MFHAS1: variants seen among roughly 807,000 people sequenced by gnomAD.
MFHAS1 encodes the protein malignant fibrous histiocytoma-amplified sequence 1.
A neutral mutation model predicts 70.4 loss-of-function variants in MFHAS1; 50 were observed. The observed-to-expected ratio is 0.71, with a 90% CI of 0.57 to 0.90. MFHAS1 has a LOEUF of 0.90. Among genes scored for constraint, MFHAS1 ranks in the 40% least tolerant of loss-of-function variants. The pLI is 0.00. For synonymous variants in MFHAS1, 952 were observed against 620.0 expected (o/e 1.54, Z -7.96); for missense variants, 1,795 against 1,347.6 (o/e 1.33, Z -5.20).
Position 8,893,106 on chromosome 8 carries a change from C to CTACA in MFHAS1, c.-52_-49dup. 1 of 1,335,694 alleles carries CTACA rather than the reference C, an allele frequency of 7.5e-7. No individual in the cohort carries two copies. Among genetic ancestry groups the CTACA allele is most frequent in the South Asian group, 1.6e-5 (1 of 61,566 alleles). 82.7% of individuals were successfully genotyped at this position (1,335,694 alleles called of 1,614,324 possible). A position where few individuals can be genotyped will look rare whatever the true frequency, so the allele number is the denominator to read the frequency against. ...CTCACGCGGACGCGGGAGCCCGCAGCTACATGCCGCGCCGCGCCCCGGGCC... is the reference window on the plus strand; with the variant it reads ...CTCACGCGGACGCGGGAGCCCGCAGCTACATACATGCCGCGCCGCGCCCCGGGCC... On this transcript the variant is annotated 5_prime_UTR_variant, in exon 1 of 3. The change creates a new upstream start codon in the 5' untranslated region. Transcript: ENST00000276282.
At chr8:8,845,731 A>C (rs1808008458) in intron 1 of MFHAS1, among the ~76,000 whole-genome samples, 1 of 152,254 alleles carries the variant, frequency 6.6e-6, no homozygotes, top group South Asian at 2.1e-4. Flanking sequence ...AGAAGACTGA[A>C]TGAGACAATA....
intron 1 of MFHAS1, among the ~76,000 whole-genome samples, chr8:8,812,016 AGTG>A (rs1223409026): frequency 6.6e-6 from 1 of 152,216 alleles, no homozygotes; most frequent in Non-Finnish European, 1.5e-5. Context: ...CACTCCAGGA[AGTG>A]GTCACCCTGC....
At chr8:8,844,332 C>T (rs1391185659) in intron 1 of MFHAS1, among the ~76,000 whole-genome samples, 1 of 152,218 alleles carries the variant, frequency 6.6e-6, no homozygotes, top group Non-Finnish European at 1.5e-5. Flanking sequence ...CAGGTAGTCT[C>T]ACCAGATGCA....
chr8:8,859,216 C>T (rs332033), intron 1 of MFHAS1, among the ~76,000 whole-genome samples: 2,302 of 152,254 alleles, frequency 0.015, 73 homozygotes, highest in African/African-American at 0.052. Flanking sequence ...TAGTGGCACA[C>T]GCCTGTAGTC....
At chr8:8,794,137 C>G (rs1805812578) in intron 2 of MFHAS1, among the ~76,000 whole-genome samples, 1 of 151,968 alleles carries the variant, frequency 6.6e-6, no homozygotes, top group Admixed American at 6.6e-5. Context: ...TTGCAATGAG[C>G]TGAGATCGCA....
intron 1 of MFHAS1, among the ~76,000 whole-genome samples, chr8:8,824,465 G>A (rs563876878): frequency 1.3e-5 from 2 of 151,368 alleles, no homozygotes; most frequent in East Asian, 1.9e-4. Context: ...TGGCTCAGAT[G>A]CAGTGCTAGG....
At chr8:8,836,723 C>G (rs895503697) in intron 1 of MFHAS1, among the ~76,000 whole-genome samples, 3 of 152,206 alleles carry the variant, frequency 2.0e-5, no homozygotes, top group African/African-American at 7.2e-5. Context: ...CCATTCATCT[C>G]TATCCATGAA....
intron 1 of MFHAS1, among the ~76,000 whole-genome samples, chr8:8,870,082 C>T (rs1057482077): frequency 6.6e-6 from 1 of 152,114 alleles, no homozygotes; most frequent in Non-Finnish European, 1.5e-5. Context: ...AACCATCAGG[C>T]TTTAATTTAG....
At position 8,892,769 on chromosome 8, in the gene MFHAS1, T is replaced by C. The variant is rs1001076974; in HGVS notation, c.290A>G (p.Asn97Ser). ...CGCCGGGGGCAGCCGGGCGAAGCGG[T>C]TCCTGCGCAGGACCAGGACGCGCAG... is the stretch of plus-strand genomic sequence containing the variant. The part of the protein sequence containing the change: ...GSLRVLVLRR[N>S]RFARLPPAVA... The change falls in exon 1 of 3, where the codon AAC becomes AGC. Residue 97 changes from asparagine to serine, a missense_variant. Asn to Ser is a conservative substitution (Grantham distance 46). Coordinates refer to ENST00000276282, the MANE Select transcript of MFHAS1 (RefSeq NM_004225.3). This position sits in a 1 kb window ranked among gnomAD's most constrained non-coding sequence, Gnocchi z 4.7. The C allele has an allele frequency of 1.7e-5, 26 of 1,568,018 alleles. No individual in the cohort carries two copies. Among genetic ancestry groups the C allele is most frequent in the Non-Finnish European group, 2.2e-5 (26 of 1,157,994 alleles).
chr8:8,874,331 TACACACACACACACACAC>T (rs35271686), intron 1 of MFHAS1, among the ~76,000 whole-genome samples: 2,786 of 144,794 alleles, frequency 0.019, 89 homozygotes, highest in African/African-American at 0.067. Context: ...TATAACATTC[TACACACACACACACACAC>T]ACACACACAC....
chr8:8,818,730 G>C (rs1806836236), intron 1 of MFHAS1, among the ~76,000 whole-genome samples: 1 of 152,122 alleles, frequency 6.6e-6, no homozygotes, highest in Non-Finnish European at 1.5e-5. Context: ...CCAAAGTTTG[G>C]GCAAAAATAT....
At chr8:8,836,276 T>C (rs572268045) in intron 1 of MFHAS1, among the ~76,000 whole-genome samples, 2 of 152,328 alleles carry the variant, frequency 1.3e-5, no homozygotes, top group East Asian at 3.9e-4. Flanking sequence ...TAGCCTCAGG[T>C]TCTGGGTGGC....
chr8:8,892,033 G>C lies in MFHAS1; in HGVS notation c.1026C>G (p.Thr342=). 2 of 1,613,426 alleles carry C rather than the reference G, an allele frequency of 1.2e-6. No individual in the cohort carries two copies. The highest frequency in any genetic ancestry group is 1.3e-5 in the African/African-American group (1 of 74,988). Residue 342 remains threonine (T), a synonymous_variant, in exon 1 of 3, where the codon ACC becomes ACG. Transcript: ENST00000276282. This position sits in a 1 kb window ranked among gnomAD's most constrained non-coding sequence, Gnocchi z 4.7. ...CCTGCAGCACGAGCTCCTCCAGGCC[G>C]GTCAGCTCCACGATGGAGTCCGGCA... is the stretch of plus-strand genomic sequence containing the variant. ...RYLPDSIVEL[T]GLEELVLQGN...
At chr8:8,806,685 G>A (rs879778726) in intron 1 of MFHAS1, among the ~76,000 whole-genome samples, 2 of 152,174 alleles carry the variant, frequency 1.3e-5, no homozygotes, top group East Asian at 3.9e-4. Context: ...AAGGGGCCGG[G>A]TCCGGTGACC....
intron 1 of MFHAS1, among the ~76,000 whole-genome samples, chr8:8,803,250 C>T (rs1441906648): frequency 6.6e-6 from 1 of 152,224 alleles, no homozygotes; most frequent in East Asian, 1.9e-4. Flanking sequence ...GTGGCTCATG[C>T]CTGTAATACC....
chr8:8,849,070 T>A (rs1808143722), intron 1 of MFHAS1, among the ~76,000 whole-genome samples: 1 of 43,058 alleles, frequency 2.3e-5, no homozygotes, highest in Admixed American at 3.0e-4. Flanking sequence ...TTACCTTTTT[T>A]TTTTTTTTTT....
intron 1 of MFHAS1, among the ~76,000 whole-genome samples, chr8:8,831,616 AT>A (rs373603367): frequency 0.015 from 2,191 of 142,648 alleles, 22 homozygotes; most frequent in African/African-American, 0.02. Flanking sequence ...TAAATGGTCA[AT>A]TTTTTTTTTT....
chr8:8,874,899 T>G (rs1280399885), intron 1 of MFHAS1, among the ~76,000 whole-genome samples: 1 of 149,142 alleles, frequency 6.7e-6, no homozygotes, highest in Admixed American at 6.7e-5. Context: ...GATAAAACAC[T>G]GTGATTAAAA....
In MFHAS1 at chr8:8,829,664, G is replaced by T. The variant is rs148783851; in HGVS notation, c.2999-32173C>A. 3.0e-3 allele frequency among the ~76,000 whole-genome samples: 460 copies of T among 152,350 alleles called. 2 individuals carry two copies. Among genetic ancestry groups the T allele is most frequent in the African/African-American group, 0.01 (436 of 41,576 alleles). ...CCACTGCACTTCAGCCTGGGCGAAA[G>T]AGTGAGACTCTGTCTCAAACCAACA... On this transcript the variant is annotated intron_variant, in intron 1 of 2. Transcript: ENST00000276282.
Sources: allele counts gnomAD v4.1 joint callset (sites outside exome capture counted in the v4.1 genomes callset), GRCh38; gene constraint gnomAD v4.1.1; non-coding constraint Gnocchi (gnomAD v3.1); transcripts MANE v1.5; gene names NCBI Gene and HGNC (gene_info 2026-07-23, HGNC 2026-07-21).